Variants in NAALAD2 observed in about 807,000 individuals in gnomAD.
The protein encoded by NAALAD2 is N-acetylated alpha-linked acidic dipeptidase 2.
Under a neutral mutation model 95.6 loss-of-function variants are expected in NAALAD2, and 89 were observed. The ratio of observed to expected loss-of-function variants is 0.93; its 90% CI spans 0.78 to 1.11. The LOEUF (loss-of-function observed/expected upper bound fraction) is 1.11. Ranked by LOEUF, NAALAD2 falls within the 50% of genes least tolerant of loss-of-function variation. The pLI is 0.00. For missense variants in NAALAD2, 894 were observed against 872.4 expected (o/e 1.02, Z -0.31); for synonymous variants, 264 against 294.4 (o/e 0.90, Z 1.06).
At chr11:90,138,122 A>G (rs550944062) in intron 2 of NAALAD2, among the ~76,000 whole-genome samples, 4 of 152,358 alleles carry the variant, frequency 2.6e-5, no homozygotes, top group East Asian at 1.9e-4. Context: ...TGTATTTTGT[A>G]TATGTATTAT....
chr11:90,160,237 G>C (rs1952257502), intron 8 of NAALAD2, among the ~76,000 whole-genome samples: 1 of 152,088 alleles, frequency 6.6e-6, no homozygotes, highest in Non-Finnish European at 1.5e-5. Context: ...TGGGTAAAGG[G>C]AGGCAAGAAA....
chr11:90,168,623 A>G (rs987681860), intron 11 of NAALAD2, among the ~76,000 whole-genome samples: 3 of 152,204 alleles, frequency 2.0e-5, no homozygotes, highest in African/African-American at 4.8e-5. Flanking sequence ...ACATCCCTGC[A>G]TAGTCTGATG....
At position 90,191,593 on chromosome 11, in the gene NAALAD2, AT is replaced by A; in HGVS notation, c.2070del (p.Tyr690Ter). On this transcript the variant is annotated frameshift_variant, in exon 19 of 19. Transcript: ENST00000534061. LOFTEE classifies it high-confidence loss of function. Reference protein sequence around the residue: ...IIFAPSSHNKYAGESFPGIYD... With the variant: ...IIFAPSSHNKXAGESFPGIYD... ...TTTGCTCCAAGTAGCCACAACAAAT[AT>A]GCTGGAGAATCATTTCCTGGAATCT... 6.3e-7 allele frequency: 1 copy of A among 1,598,242 alleles called. No homozygotes were observed. Among genetic ancestry groups the A allele is most frequent in the Non-Finnish European group, 8.5e-7 (1 of 1,172,732 alleles).
intron 18 of NAALAD2, among the ~76,000 whole-genome samples, chr11:90,183,889 C>T (rs561200694): frequency 6.6e-6 from 1 of 152,264 alleles, no homozygotes; most frequent in East Asian, 1.9e-4. Context: ...AACAACTCAT[C>T]TTTAAGTCAC....
intron 13 of NAALAD2, among the ~76,000 whole-genome samples, chr11:90,173,295 C>G (rs1388440433): frequency 6.6e-6 from 1 of 152,050 alleles, no homozygotes; most frequent in Non-Finnish European, 1.5e-5. Flanking sequence ...CATAATAAGA[C>G]TGTCTAAAAG....
chr11:90,169,764 C>T (rs1323558468), intron 12 of NAALAD2: 4 of 317,522 alleles, frequency 1.3e-5, no homozygotes, highest in Non-Finnish European at 2.3e-5. Context: ...ATGCTACAGA[C>T]TTACCACTTC....
chr11:90,158,557 C>A, intron 7 of NAALAD2: 1 of 240,566 alleles, frequency 4.2e-6, no homozygotes, highest in South Asian at 5.7e-5. Flanking sequence ...TTATATTCAA[C>A]GTCTAGTATA....
intron 2 of NAALAD2, among the ~76,000 whole-genome samples, chr11:90,146,678 A>T (rs1390547094): frequency 6.6e-6 from 1 of 151,936 alleles, no homozygotes. Context: ...GACTTTAAAA[A>T]TATTATTCAC....
chr11:90,163,534 G>T lies in NAALAD2; in HGVS notation c.1196-1G>T. 6 of 1,613,906 alleles carry T rather than the reference G, an allele frequency of 3.7e-6. No individual in the cohort carries two copies. Among genetic ancestry groups the T allele is most frequent in the Non-Finnish European group, 5.1e-6 (6 of 1,179,932 alleles). On this transcript the variant is annotated splice_acceptor_variant, in intron 10 of 18. Coordinates refer to ENST00000534061, the MANE Select transcript of NAALAD2 (RefSeq NM_005467.4). LOFTEE classifies it high-confidence loss of function. ...ACCACGTGTGTTAACAATTCTTACAGGCTGGAGACCTAGAAGAACTATCAT... is the reference window on the plus strand; with the variant it reads ...ACCACGTGTGTTAACAATTCTTACATGCTGGAGACCTAGAAGAACTATCAT...
intron 8 of NAALAD2, among the ~76,000 whole-genome samples, chr11:90,159,945 A>C: frequency 7.1e-6 from 1 of 140,326 alleles, no homozygotes; most frequent in African/African-American, 2.8e-5. Context: ...CAAGACTGAA[A>C]CTCCATCTAA....
At chr11:90,172,494 T>C (rs188622242) in intron 13 of NAALAD2, among the ~76,000 whole-genome samples, 3 of 152,178 alleles carry the variant, frequency 2.0e-5, no homozygotes, top group African/African-American at 7.2e-5. Context: ...AACAGGGAAA[T>C]TGTTCAAAAT....
chr11:90,132,220 T>C (rs1490992714), upstream of NAALAD2: 2 of 152,664 alleles, frequency 1.3e-5, no homozygotes, highest in Non-Finnish European at 2.9e-5. Flanking sequence ...TTGCTCATTC[T>C]TGGAACTCTT....
intron 5 of NAALAD2, among the ~76,000 whole-genome samples, chr11:90,151,796 G>T (rs571358884): frequency 1.3e-5 from 2 of 152,160 alleles, no homozygotes; most frequent in South Asian, 4.1e-4. Context: ...ACCCTGGGCT[G>T]TTTTTCACAA....
At chr11:90,155,680 AATAC>A (rs772309191) in intron 6 of NAALAD2, among the ~76,000 whole-genome samples, 39,118 of 109,854 alleles carry the variant, frequency 0.36, 8,342 homozygotes, top group South Asian at 0.45. Flanking sequence ...GTATGTATGT[AATAC>A]ATACATACAT....
At chr11:90,155,224 ATGTGTG>A in intron 6 of NAALAD2, among the ~76,000 whole-genome samples, 1 of 126,952 alleles carries the variant, frequency 7.9e-6, no homozygotes, top group South Asian at 2.3e-4. Flanking sequence ...TAATATGTAT[ATGTGTG>A]TGTATATATT....
chr11:90,141,055 A>G (rs1425225748), intron 2 of NAALAD2, among the ~76,000 whole-genome samples: 2 of 152,150 alleles, frequency 1.3e-5, no homozygotes, highest in African/African-American at 4.8e-5. Flanking sequence ...TCTCTTTTGT[A>G]GAGACAGAGT....
chr11:90,147,413 T>C lies in NAALAD2; in HGVS notation c.278T>C (p.Phe93Ser), dbSNP rs201982078. Reference protein sequence around the residue: ...AKKIQTQWKKFGLDSAKLVHY... With the variant: ...AKKIQTQWKKSGLDSAKLVHY... Reference sequence around the variant, plus strand: ...AAAATCCAAACCCAGTGGAAGAAATTTGGACTAGATTCAGCCAAGTTGGTT... The same window carrying C: ...AAAATCCAAACCCAGTGGAAGAAATCTGGACTAGATTCAGCCAAGTTGGTT... Residue 93 changes from phenylalanine (F) to serine (S), a missense_variant, in exon 3 of 19, where the codon TTT becomes TCT. Phe to Ser is a radical substitution (Grantham distance 155). Transcript: ENST00000534061. 5.9e-5 allele frequency: 96 copies of C among 1,614,034 alleles called. No individual in the cohort carries two copies. The highest frequency in any genetic ancestry group is 3.3e-4 in the Middle Eastern group (2 of 6,060).
At chr11:90,189,526 T>C (rs2135002304) in intron 18 of NAALAD2, among the ~76,000 whole-genome samples, 1 of 152,296 alleles carries the variant, frequency 6.6e-6, no homozygotes, top group South Asian at 2.1e-4. Context: ...CCCAGCACTT[T>C]GGGAGGTTAA....
At chr11:90,190,270 C>G (rs1362055759) in intron 18 of NAALAD2, among the ~76,000 whole-genome samples, 2 of 152,104 alleles carry the variant, frequency 1.3e-5, no homozygotes, top group African/African-American at 4.8e-5. Flanking sequence ...GGTTAAATAA[C>G]CAGTGCAAGG....
Sources: gnomAD v4.1 joint callset for allele counts (sites outside exome capture counted in the v4.1 genomes callset) on GRCh38, gnomAD v4.1.1 for gene constraint, MANE v1.5 for transcripts, NCBI Gene and HGNC (gene_info 2026-07-23, HGNC 2026-07-21) for gene names.